The following PATL1 variants were observed in gnomAD, a reference collection of about 807,000 sequenced individuals.
PATL1 encodes protein PAT1 homolog 1.
A neutral mutation model predicts 100.6 loss-of-function variants in PATL1; 32 were observed. That is an observed-to-expected ratio of 0.32 (90% confidence interval 0.24 to 0.43). The LOEUF (loss-of-function observed/expected upper bound fraction) is 0.43. PATL1 is among the 20% of genes least tolerant of loss of function. PATL1 has a pLI of 1.00. For synonymous variants in PATL1, 332 were observed against 330.0 expected, an observed-to-expected ratio of 1.01 and a Z score of -0.07; for missense variants, 747 against 949.9, an observed-to-expected ratio of 0.79 and a Z score of 2.81.
Position 59,655,242 on chromosome 11 carries a change from G to C in PATL1, c.1031+281C>G, listed in dbSNP as rs545780560. ...TGAAACAGGAACTTGAACCCCTTTT[G>C]TCATAAAACCAGAGGATAAAAGCAA... is the stretch of plus-strand genomic sequence containing the variant. On this transcript the variant is annotated intron_variant, in intron 8 of 18. Coordinates refer to ENST00000300146, the MANE Select transcript of PATL1 (RefSeq NM_152716.3). Among the ~76,000 whole-genome samples, 5 of 152,260 alleles carry C rather than the reference G, an allele frequency of 3.3e-5. No individual in the cohort carries two copies. In the South Asian group the frequency reaches 1.0e-3, roughly 32 times the overall value.
rs778610012 is a variant in PATL1, at chr11:59,651,689, A to G, written c.1427-48T>C. 23 of 1,216,122 alleles carry G rather than the reference A, an allele frequency of 1.9e-5. No homozygotes were observed. The African/African-American group carries it at 2.4e-4, about 13-fold the overall frequency. The allele number at this position is 1,216,122 out of a possible 1,614,324, so 75.3% of individuals were successfully genotyped here. ...AATTCCAACAAAATAAAAAGTCAGC[A>G]ATGCAGGCAGGCAGTGTTCAAAGAA... On this transcript the variant is annotated intron_variant, in intron 11 of 18. Coordinates refer to ENST00000300146, the MANE Select transcript of PATL1 (RefSeq NM_152716.3).
chr11:59,659,023 G>A lies in PATL1; in HGVS notation c.346-77C>T, dbSNP rs1352078919. The A allele has an allele frequency of 8.5e-6, 11 of 1,301,650 alleles. No homozygotes were observed. In the East Asian group the frequency reaches 2.5e-4, roughly 30 times the overall value. 80.6% of individuals were successfully genotyped at this position (1,301,650 alleles called of 1,614,324 possible). A position where few individuals can be genotyped will look rare whatever the true frequency, so the allele number is the denominator to read the frequency against. ...TGACTTATCTGCTGCTGGGGAACAA[G>A]GTTCCAAAAGAGCCTCAAGCTGCTT... On this transcript the variant is annotated intron_variant, in intron 3 of 18. Coordinates refer to ENST00000300146, the MANE Select transcript of PATL1 (RefSeq NM_152716.3).
chr11:59,647,885 T>A lies in PATL1; in HGVS notation c.1762A>T (p.Met588Leu). Reference sequence around the variant, plus strand: ...ATTCTCTTCCCTTTTCGGATACACATGATCTGTACAAAGTGGTCATCACTA... The same window carrying A: ...ATTCTCTTCCCTTTTCGGATACACAAGATCTGTACAAAGTGGTCATCACTA... ...RPSDDHFVQI[M>L]CIRKGKRMVA... The change falls in exon 15 of 19, where the codon ATG becomes TTG. Residue 588 changes from methionine (M) to leucine (L), a missense_variant. Physicochemically the swap from Met to Leu is conservative, Grantham distance 15. Transcript: ENST00000300146. 2 of 1,613,898 alleles carry A rather than the reference T, an allele frequency of 1.2e-6. No individual in the cohort carries two copies. Among genetic ancestry groups the A allele is most frequent in the Non-Finnish European group, 1.7e-6 (2 of 1,179,840 alleles).
At chr11:59,660,593 G>A (rs1027845543) in intron 2 of PATL1, among the ~76,000 whole-genome samples, 2 of 152,064 alleles carry the variant, frequency 1.3e-5, no homozygotes. Context: ...TAAGGTGAGA[G>A]ATTGATGGTT....
Position 59,637,279 on chromosome 11 carries a change from A to G in PATL1, c.*1111T>C, listed in dbSNP as rs1590691201. ...GGCAGGCTGGCCCTGCAATTATTCA[A>G]ACCCAGGCCCCTGGCTGCCTGGGAA... On this transcript the variant is annotated 3_prime_UTR_variant, in exon 19 of 19. Coordinates refer to ENST00000300146, the MANE Select transcript of PATL1 (RefSeq NM_152716.3). 1 of 152,412 alleles carries G rather than the reference A, an allele frequency of 6.6e-6. No individual in the cohort carries two copies. The highest frequency in any genetic ancestry group is 1.9e-4 in the East Asian group (1 of 5,192). The allele number at this position is 152,412 out of a possible 1,614,324, so 9.4% of individuals were successfully genotyped here. A position where few individuals can be genotyped will look rare whatever the true frequency, so the allele number is the denominator to read the frequency against.
chr11:59,654,489 T>TAA (rs528454364), intron 8 of PATL1, among the ~76,000 whole-genome samples: 126 of 82,416 alleles, frequency 1.5e-3, no homozygotes, highest in East Asian at 9.2e-3. Flanking sequence ...TCAAAAACAT[T>TAA]AAAAAAAAAA....
Position 59,646,061 on chromosome 11 carries a change from T to C in PATL1, c.1893+1693A>G, listed in dbSNP as rs2134741247. Among the ~76,000 whole-genome samples, 2 of 152,266 alleles carry C rather than the reference T, an allele frequency of 1.3e-5. 1 individual carries two copies. Among genetic ancestry groups the C allele is most frequent in the South Asian group, 4.1e-4 (2 of 4,828 alleles). The stretch of plus-strand genomic sequence containing the variant: ...CACCTAGAACTAGGTGTTGTATTTC[T>C]AGGAGGTAAAATAATGCCTGGCACA... On this transcript the variant is annotated intron_variant, in intron 15 of 18. Transcript: ENST00000300146.
At chr11:59,645,390 C>T (rs1861350940) in intron 15 of PATL1, among the ~76,000 whole-genome samples, 1 of 130,384 alleles carries the variant, frequency 7.7e-6, no homozygotes, top group Admixed American at 7.9e-5. Flanking sequence ...CCCCCCCCAT[C>T]CACTTTTTAC....
chr11:59,668,278 C>G (rs548235028), intron 1 of PATL1, among the ~76,000 whole-genome samples: 20 of 152,154 alleles, frequency 1.3e-4, no homozygotes, highest in Non-Finnish European at 2.5e-4. Context: ...TTGCTACATT[C>G]CCGGCACCTT....
intron 15 of PATL1, among the ~76,000 whole-genome samples, chr11:59,644,973 TG>T (rs1287183989): frequency 6.3e-5 from 9 of 142,600 alleles, no homozygotes; most frequent in African/African-American, 2.4e-4. Flanking sequence ...AGTTCATTAA[TG>T]GGTTCAGGTG....
At chr11:59,668,652 G>A (rs1861728488) in intron 1 of PATL1, among the ~76,000 whole-genome samples, 1 of 152,064 alleles carries the variant, frequency 6.6e-6, no homozygotes, top group South Asian at 2.1e-4. Context: ...CCCCAAAACG[G>A]AGGCCAACTT....
At chr11:59,655,058 A>G (rs903527946) in intron 8 of PATL1, among the ~76,000 whole-genome samples, 5 of 152,208 alleles carry the variant, frequency 3.3e-5, no homozygotes, top group African/African-American at 1.2e-4. Context: ...GGTCTGTCTT[A>G]CAGATTTCGA....
intron 16 of PATL1, among the ~76,000 whole-genome samples, chr11:59,641,181 A>T (rs1018207887): frequency 2.8e-5 from 4 of 143,048 alleles, no homozygotes; most frequent in Non-Finnish European, 5.9e-5. Flanking sequence ...AAAAAAAAAA[A>T]AGTCAATCAG....
intron 15 of PATL1, among the ~76,000 whole-genome samples, chr11:59,643,412 G>A (rs2134738379): frequency 6.6e-6 from 1 of 152,072 alleles, no homozygotes; most frequent in Middle Eastern, 3.4e-3. Context: ...GTATAGCGGA[G>A]AAGATATGGG....
intron 15 of PATL1, among the ~76,000 whole-genome samples, chr11:59,645,286 A>G (rs1861347247): frequency 1.0e-4 from 1 of 10,038 alleles, no homozygotes; most frequent in African/African-American, 3.8e-4. Flanking sequence ...GTTCTCAATG[A>G]GCTGTTGGGT....
intron 2 of PATL1, among the ~76,000 whole-genome samples, chr11:59,660,601 G>A (rs1001916519): frequency 5.3e-5 from 8 of 152,088 alleles, no homozygotes; most frequent in African/African-American, 1.9e-4. Flanking sequence ...GAGATTGATG[G>A]TTTTGAGAAA....
Position 59,637,419 on chromosome 11 carries a change from A to G in PATL1, c.*971T>C, listed in dbSNP as rs1054826156. The stretch of plus-strand genomic sequence containing the variant: ...TGGTTACATTTGGAAGTTTCTATTC[A>G]TGACACCAAATAAAAGTGGGGAAGA... On this transcript the variant is annotated 3_prime_UTR_variant, in exon 19 of 19. Transcript: ENST00000300146. 2.0e-5 allele frequency: 3 copies of G among 152,642 alleles called. No homozygotes were observed. Among genetic ancestry groups the G allele is most frequent in the African/African-American group, 7.2e-5 (3 of 41,446 alleles). 9.5% of individuals were successfully genotyped at this position (152,642 alleles called of 1,614,324 possible).
In PATL1 at chr11:59,652,064, C is replaced by CAAAAAAA. The variant is rs748019832; in HGVS notation, c.1426+393_1426+399dup. Reference sequence around the variant, plus strand: ...TGGACAACAGAGTAAGGCTCTTTCTCAAAAAAAAAAAAAAAAAAAAAAAAA... The same window carrying CAAAAAAA: ...TGGACAACAGAGTAAGGCTCTTTCTCAAAAAAAAAAAAAAAAAAAAAAAAAAAAAAAA... On this transcript the variant is annotated intron_variant, in intron 11 of 18. Transcript: ENST00000300146. Among the ~76,000 whole-genome samples the CAAAAAAA allele has an allele frequency of 3.9e-3, 208 of 52,964 alleles. 4 individuals are homozygous for CAAAAAAA. The highest frequency in any genetic ancestry group is 5.6e-3 in the Non-Finnish European group (168 of 30,126). 34.7% of individuals were successfully genotyped at this position (52,964 alleles called of 152,430 possible). A position where few individuals can be genotyped will look rare whatever the true frequency, so the allele number is the denominator to read the frequency against.
At chr11:59,663,940 T>C (rs1423881852) in intron 2 of PATL1, among the ~76,000 whole-genome samples, 1 of 152,198 alleles carries the variant, frequency 6.6e-6, no homozygotes, top group African/African-American at 2.4e-5. Flanking sequence ...ACAGGTTGAC[T>C]TGGAAAACAA....
Sources: allele counts gnomAD v4.1 joint callset (sites outside exome capture counted in the v4.1 genomes callset), GRCh38; gene constraint gnomAD v4.1.1; transcripts MANE v1.5; gene names NCBI Gene and HGNC (gene_info 2026-07-23, HGNC 2026-07-21).